The following METAP2 variants were observed in gnomAD, a reference collection of about 807,000 sequenced individuals.
METAP2 encodes methionine aminopeptidase 2.
A neutral mutation model predicts 59.4 loss-of-function variants in METAP2; 25 were observed. The ratio of observed to expected loss-of-function variants is 0.42; its 90% CI spans 0.31 to 0.59. The LOEUF is 0.59. Ranked by LOEUF, METAP2 falls within the 20% of genes least tolerant of loss-of-function variation. The probability of loss-of-function intolerance (pLI) is 0.16; values close to 1 mark genes in which losing one functional copy is unlikely to be tolerated. For missense variants in METAP2, 366 were observed against 581.2 expected, an observed-to-expected ratio of 0.63 and a Z score of 3.81; for synonymous variants, 214 against 194.1, an observed-to-expected ratio of 1.10 and a Z score of -0.85.
intron 7 of METAP2, among the ~76,000 whole-genome samples, chr12:95,497,671 G>C (rs1419023547): frequency 1.3e-5 from 2 of 152,070 alleles, no homozygotes; most frequent in African/African-American, 4.8e-5. Flanking sequence ...CACAGTGGCT[G>C]TACCATTTTC....
chr12:95,476,541 A>AGAGAGAGAGAGAG (rs2076121221), intron 2 of METAP2, among the ~76,000 whole-genome samples: 2 of 148,958 alleles, frequency 1.3e-5, no homozygotes, highest in Non-Finnish European at 1.5e-5. Flanking sequence ...AAAGAAAGAA[A>AGAGAGAGAGAGAG]AGCTAGAAAA....
At chr12:95,486,896 G>T (rs2076201450) in intron 4 of METAP2, among the ~76,000 whole-genome samples, 1 of 152,178 alleles carries the variant, frequency 6.6e-6, no homozygotes, top group Admixed American at 6.5e-5. Context: ...GTTCTGTAAG[G>T]ATACATTTAA....
Position 95,495,127 on chromosome 12 carries a change from C to T in METAP2, c.761C>T (p.Thr254Ile). The T allele has an allele frequency of 3.1e-6, 5 of 1,609,692 alleles. No homozygotes were observed. Among genetic ancestry groups the T allele is most frequent in the Non-Finnish European group, 4.2e-6 (5 of 1,177,482 alleles). Residue 254 changes from threonine to isoleucine, a missense_variant, in exon 6 of 11, where the codon ACA becomes ATA. Physicochemically the swap from Thr to Ile is moderately conservative, Grantham distance 89. Transcript: ENST00000323666. ...GACATCTGTAAAATAGACTTTGGAA[C>T]ACATATAAGTGGTAAATTCTTGCAG... ...YDDICKIDFG[T>I]HISGRIIDCA...
chr12:95,511,389 G>GTTTTTTTTTTTTTTTT (rs11301070), intron 8 of METAP2, among the ~76,000 whole-genome samples: 1 of 61,130 alleles, frequency 1.6e-5, no homozygotes, highest in Non-Finnish European at 2.8e-5. Context: ...TTCTAGCACC[G>GTTTTTTTTTTTTTTTT]TTTTTTTTTT....
In METAP2 at chr12:95,515,762, C is replaced by T. The variant is rs769928293; in HGVS notation, c.*1858C>T. Reference sequence around the variant, plus strand: ...TCTTAAAATTTTGTTATGTTTACAACGATGTACCTTATTGGCAACAAGTTA... The same window carrying T: ...TCTTAAAATTTTGTTATGTTTACAATGATGTACCTTATTGGCAACAAGTTA... On this transcript the variant is annotated 3_prime_UTR_variant, in exon 11 of 11. Transcript: ENST00000323666. 20 of 152,126 alleles carry T rather than the reference C, an allele frequency of 1.3e-4. No individual in the cohort carries two copies. The highest frequency in any genetic ancestry group is 4.1e-4 in the African/African-American group (17 of 41,408). 9.4% of individuals were successfully genotyped at this position (152,126 alleles called of 1,614,324 possible).
intron 7 of METAP2, among the ~76,000 whole-genome samples, chr12:95,502,390 A>G (rs2076323094): frequency 1.3e-5 from 2 of 152,136 alleles, no homozygotes; most frequent in Admixed American, 1.3e-4. Flanking sequence ...AGCACTTTGA[A>G]TATGTTGCAC....
At chr12:95,488,559 GTCTC>G (rs2140146023) in intron 4 of METAP2, among the ~76,000 whole-genome samples, 1 of 145,916 alleles carries the variant, frequency 6.9e-6, no homozygotes, top group African/African-American at 2.5e-5. Context: ...GTTCCCAGTA[GTCTC>G]TCAGATTTTC....
At chr12:95,484,053 C>T (rs1412336776) in intron 3 of METAP2, among the ~76,000 whole-genome samples, 5 of 151,836 alleles carry the variant, frequency 3.3e-5, no homozygotes, top group South Asian at 2.1e-4. Context: ...AGGGAGATTT[C>T]GTAGTGTTGA....
intron 4 of METAP2, among the ~76,000 whole-genome samples, chr12:95,488,539 A>AAAAAAAAAAAT: frequency 6.9e-6 from 1 of 145,124 alleles, no homozygotes; most frequent in African/African-American, 2.5e-5. Flanking sequence ...AAAAAAAAAA[A>AAAAAAAAAAAT]TACTTCTGAG....
chr12:95,506,296 CTTTTT>C (rs59794359), intron 8 of METAP2, among the ~76,000 whole-genome samples: 1 of 119,742 alleles, frequency 8.4e-6, no homozygotes. Flanking sequence ...AATATATATG[CTTTTT>C]TTTTTTTTTT....
Position 95,486,075 on chromosome 12 carries a change from C to T in METAP2, c.428+94C>T, listed in dbSNP as rs574815007. ...CATTTCTCAGAACTTTGCTCCACTA[C>T]TTTAATAAATGCTTATAAATTTGTC... is the stretch of plus-strand genomic sequence containing the variant. On this transcript the variant is annotated intron_variant, in intron 4 of 10. Coordinates refer to ENST00000323666, the MANE Select transcript of METAP2 (RefSeq NM_006838.4). 3.4e-4 allele frequency: 289 copies of T among 851,614 alleles called. 3 individuals carry two copies. The South Asian group carries it at 4.3e-3, about 13-fold the overall frequency. The allele number at this position is 851,614 out of a possible 1,614,324, so 52.8% of individuals were successfully genotyped here.
Position 95,513,532 on chromosome 12 carries a change from A to G in METAP2, c.1185-120A>G, listed in dbSNP as rs547697034. The G allele has an allele frequency of 4.6e-5, 52 of 1,123,554 alleles. 1 individual carries two copies. The South Asian group carries it at 7.8e-4, about 17-fold the overall frequency. The allele number at this position is 1,123,554 out of a possible 1,614,324, so 69.6% of individuals were successfully genotyped here. A position where few individuals can be genotyped will look rare whatever the true frequency, so the allele number is the denominator to read the frequency against. ...CTGGCTTTTGATTGTTGAAAGAGCA[A>G]CAATAAAAGTTTTTGGACTTCAACT... is the stretch of plus-strand genomic sequence containing the variant. On this transcript the variant is annotated intron_variant, in intron 10 of 10. Coordinates refer to ENST00000323666, the MANE Select transcript of METAP2 (RefSeq NM_006838.4).
chr12:95,503,999 A>G, intron 7 of METAP2, 66 bp from the exon 8 acceptor site: 1 of 1,181,832 alleles, frequency 8.5e-7, no homozygotes, highest in South Asian at 1.3e-5. Flanking sequence ...TTTAAATGTT[A>G]CAAAATTAAG....
At chr12:95,492,048 T>C (rs1172975354) in intron 4 of METAP2, among the ~76,000 whole-genome samples, 1 of 152,088 alleles carries the variant, frequency 6.6e-6, no homozygotes. Context: ...GCTCAAACAG[T>C]CCTCCTGCCT....
intron 4 of METAP2, among the ~76,000 whole-genome samples, chr12:95,491,088 T>A (rs2076234748): frequency 6.6e-6 from 1 of 151,958 alleles, no homozygotes; most frequent in Non-Finnish European, 1.5e-5. Context: ...AACTCTTTTT[T>A]TTTTTTTTTT....
chr12:95,475,146 A>G (rs532907281), intron 1 of METAP2, among the ~76,000 whole-genome samples: 1 of 152,348 alleles, frequency 6.6e-6, no homozygotes, highest in African/African-American at 2.4e-5. Context: ...TTTTTGCTGC[A>G]CAAGCTCCTT....
intron 7 of METAP2, among the ~76,000 whole-genome samples, chr12:95,496,386 G>A (rs773092963): frequency 1.6e-4 from 25 of 151,962 alleles, no homozygotes; most frequent in Admixed American, 3.3e-4. Context: ...TTTTTTTGTG[G>A]TTCTTTTTTA....
At chr12:95,481,777 G>T (rs1181748035) in intron 2 of METAP2, among the ~76,000 whole-genome samples, 1 of 152,158 alleles carries the variant, frequency 6.6e-6, no homozygotes, top group African/African-American at 2.4e-5. Flanking sequence ...TTTAAAATTG[G>T]TGATGTATCT....
rs199556508 is a variant in METAP2, at chr12:95,515,248, T to C, written c.*1344T>C. The C allele has an allele frequency of 6.6e-6, 1 of 152,648 alleles. No homozygotes were observed. The highest frequency in any genetic ancestry group is 1.5e-5 in the Non-Finnish European group (1 of 68,036). 9.5% of individuals were successfully genotyped at this position (152,648 alleles called of 1,614,324 possible). A position where few individuals can be genotyped will look rare whatever the true frequency, so the allele number is the denominator to read the frequency against. On this transcript the variant is annotated 3_prime_UTR_variant, in exon 11 of 11. Coordinates refer to ENST00000323666, the MANE Select transcript of METAP2 (RefSeq NM_006838.4). The stretch of plus-strand genomic sequence containing the variant: ...TCTGTTACATTAAAAAGCTGCTCTT[T>C]CAGCATTAGAGCTATAAATGAATGT...
Sources: gnomAD v4.1 joint callset for allele counts (sites outside exome capture counted in the v4.1 genomes callset) on GRCh38, gnomAD v4.1.1 for gene constraint, MANE v1.5 for transcripts, NCBI Gene and HGNC (gene_info 2026-07-23, HGNC 2026-07-21) for gene names.